HTR7: variants seen among roughly 807,000 people sequenced by gnomAD.
HTR7 encodes 5-hydroxytryptamine receptor 7.
HTR7 carries 16 observed loss-of-function variants against 34.0 expected under a neutral mutation model. The ratio of observed to expected loss-of-function variants is 0.47; its 90% CI spans 0.32 to 0.71. The LOEUF (loss-of-function observed/expected upper bound fraction) is 0.71. Ranked by LOEUF, HTR7 falls within the 30% of genes least tolerant of loss-of-function variation. The pLI is 0.04. For synonymous variants in HTR7, 265 were observed against 260.2 expected, an observed-to-expected ratio of 1.02 and a Z score of -0.18; for missense variants, 504 against 625.5, an observed-to-expected ratio of 0.81 and a Z score of 2.07.
At chr10:90,810,364 C>A (rs991096124) in intron 1 of HTR7, among the ~76,000 whole-genome samples, 1 of 152,102 alleles carries the variant, frequency 6.6e-6, no homozygotes, top group African/African-American at 2.4e-5. Flanking sequence ...ATCATGCAAC[C>A]CTTACCATCT....
At chr10:90,794,602 G>C (rs1845510238) in intron 1 of HTR7, among the ~76,000 whole-genome samples, 1 of 152,112 alleles carries the variant, frequency 6.6e-6, no homozygotes, top group Non-Finnish European at 1.5e-5. Flanking sequence ...CAAGAATCAA[G>C]CAAGTCTCTC....
chr10:90,837,070 C>T lies in HTR7; in HGVS notation c.539+20063G>A, dbSNP rs147714494. On this transcript the variant is annotated intron_variant, in intron 1 of 3. Transcript: ENST00000336152. Reference sequence around the variant, plus strand: ...GCTCCCATCTCTGGACTTTCCTGGCCCCAGCTTCCCTACTATACCCCTCAG... The same window carrying T: ...GCTCCCATCTCTGGACTTTCCTGGCTCCAGCTTCCCTACTATACCCCTCAG... 2.5e-3 allele frequency among the ~76,000 whole-genome samples: 386 copies of T among 152,240 alleles called. 1 individual carries two copies. Among genetic ancestry groups the T allele is most frequent in the Middle Eastern group, 0.01 (3 of 294 alleles).
chr10:90,805,393 T>C (rs565092754), intron 1 of HTR7, among the ~76,000 whole-genome samples: 1 of 152,324 alleles, frequency 6.6e-6, no homozygotes, highest in Non-Finnish European at 1.5e-5. Context: ...TGAAAGAAAT[T>C]TACATCTTTA....
chr10:90,752,039 A>C (rs1181139182), intron 1 of HTR7, among the ~76,000 whole-genome samples: 1 of 152,182 alleles, frequency 6.6e-6, no homozygotes, highest in Non-Finnish European at 1.5e-5. Context: ...TCTGCCCTGG[A>C]TGTACAAATT....
intron 1 of HTR7, among the ~76,000 whole-genome samples, chr10:90,804,555 T>G (rs1420464882): frequency 1.3e-5 from 2 of 152,128 alleles, no homozygotes; most frequent in African/African-American, 4.8e-5. Context: ...CACAAGAGGT[T>G]TGAGCTCAGC....
intron 1 of HTR7, among the ~76,000 whole-genome samples, chr10:90,752,945 T>C (rs1362262663): frequency 6.6e-6 from 1 of 152,172 alleles, no homozygotes; most frequent in East Asian, 1.9e-4. Context: ...TTAACTATAA[T>C]ACAAAAGCTT....
chr10:90,753,586 C>A (rs11186299), intron 1 of HTR7, among the ~76,000 whole-genome samples: 8,773 of 152,132 alleles, frequency 0.058, 345 homozygotes, highest in East Asian at 0.15. Flanking sequence ...TTTTGGAAGA[C>A]AGTTTGGCAA....
At chr10:90,835,304 G>A (rs759442983) in intron 1 of HTR7, among the ~76,000 whole-genome samples, 3 of 152,150 alleles carry the variant, frequency 2.0e-5, no homozygotes, top group Non-Finnish European at 4.4e-5. Flanking sequence ...ACCCTTACAG[G>A]AAGACCTTAA....
chr10:90,829,390 T>A (rs1040064176), intron 1 of HTR7, among the ~76,000 whole-genome samples: 17 of 152,138 alleles, frequency 1.1e-4, no homozygotes, highest in Non-Finnish European at 5.9e-5. Flanking sequence ...CATTTTTTTT[T>A]TATACTTTAA....
intron 1 of HTR7, among the ~76,000 whole-genome samples, chr10:90,797,169 G>A (rs995692477): frequency 6.6e-6 from 1 of 152,014 alleles, no homozygotes; most frequent in Non-Finnish European, 1.5e-5. Flanking sequence ...AAATTTCTAG[G>A]TTTTTTTCAT....
At chr10:90,827,833 C>T (rs1846102609) in intron 1 of HTR7, among the ~76,000 whole-genome samples, 1 of 152,096 alleles carries the variant, frequency 6.6e-6, no homozygotes, top group African/African-American at 2.4e-5. Flanking sequence ...AGAAAGAAAA[C>T]CAACAAAGAA....
At chr10:90,799,976 T>C (rs1845599613) in intron 1 of HTR7, among the ~76,000 whole-genome samples, 1 of 152,160 alleles carries the variant, frequency 6.6e-6, no homozygotes, top group Non-Finnish European at 1.5e-5. Context: ...AATTCAATAA[T>C]AGAGCCACAA....
At chr10:90,768,383 C>A (rs1026767464) in intron 1 of HTR7, among the ~76,000 whole-genome samples, 3 of 152,150 alleles carry the variant, frequency 2.0e-5, no homozygotes, top group Non-Finnish European at 4.4e-5. Flanking sequence ...TCACACACTT[C>A]GAAGATATAT....
chr10:90,839,708 C>A (rs978943360), intron 1 of HTR7, among the ~76,000 whole-genome samples: 1 of 152,144 alleles, frequency 6.6e-6, no homozygotes, highest in Non-Finnish European at 1.5e-5. Flanking sequence ...TAGGAGCCAT[C>A]ATTTTGCAGG....
intron 2 of HTR7, among the ~76,000 whole-genome samples, chr10:90,746,357 A>G (rs1262846689): frequency 6.6e-6 from 1 of 152,218 alleles, no homozygotes; most frequent in Non-Finnish European, 1.5e-5. Flanking sequence ...AAAATAATCA[A>G]TAAAATGATT....
Position 90,857,402 on chromosome 10 carries a change from G to T in HTR7, c.270C>A (p.Leu90=). 6.2e-7 allele frequency: 1 copy of T among 1,614,116 alleles called. No homozygotes were observed. Among genetic ancestry groups the T allele is most frequent in the Non-Finnish European group, 8.5e-7 (1 of 1,180,032 alleles). Residue 90 remains leucine (L), a synonymous_variant, in exon 1 of 4, where the codon CTC becomes CTA. Transcript: ENST00000336152. The surrounding 1 kb of genome is among the most constrained non-coding windows in gnomAD (Gnocchi z 6.5). ...EKVVIGSILT[L]ITLLTIAGNC... ...TGCCCGCGATCGTCAGCAGCGTGAT[G>T]AGCGTCAGGATGGAGCCGATCACAA...
At chr10:90,799,524 A>C (rs1845593742) in intron 1 of HTR7, among the ~76,000 whole-genome samples, 1 of 152,130 alleles carries the variant, frequency 6.6e-6, no homozygotes, top group South Asian at 2.1e-4. Flanking sequence ...GTGAGATTCT[A>C]GGCTGGTTTC....
chr10:90,840,667 T>A (rs1241466055), intron 1 of HTR7, among the ~76,000 whole-genome samples: 1 of 152,234 alleles, frequency 6.6e-6, no homozygotes, highest in African/African-American at 2.4e-5. Flanking sequence ...AGCATAATAT[T>A]AACACAACAA....
chr10:90,745,300 A>C (rs902589849), intron 2 of HTR7, among the ~76,000 whole-genome samples: 2 of 152,152 alleles, frequency 1.3e-5, no homozygotes, highest in African/African-American at 4.8e-5. Context: ...ATAGATGGTA[A>C]CTTCTAGCTG....
Sources: allele counts gnomAD v4.1 joint callset (sites outside exome capture counted in the v4.1 genomes callset), GRCh38; gene constraint gnomAD v4.1.1; non-coding constraint Gnocchi (gnomAD v3.1); transcripts MANE v1.5; gene names NCBI Gene and HGNC (gene_info 2026-07-23, HGNC 2026-07-21).